ALK: variants seen among roughly 807,000 people sequenced by gnomAD.
The protein encoded by ALK is ALK receptor tyrosine kinase, also known as ALK tyrosine kinase receptor.
In ALK, 74 loss-of-function variants were observed where a neutral mutation model predicts 163.1. The observed-to-expected ratio is 0.45, with a 90% confidence interval of 0.38 to 0.55. The LOEUF is 0.55. Ranked by LOEUF, ALK falls within the 20% of genes least tolerant of loss-of-function variation. ALK has a pLI of 0.00. For missense variants in ALK, 2,063 were observed against 2,105.3 expected (o/e 0.98, Z 0.39); for synonymous variants, 960 against 843.2 (o/e 1.14, Z -2.40).
chr2:29,531,742 A>G (rs943456332), intron 4 of ALK, among the ~76,000 whole-genome samples, 173 bp downstream of exon 4: 3 of 152,146 alleles, frequency 2.0e-5, no homozygotes, highest in Non-Finnish European at 2.9e-5. Context: ...GGGACCCACA[A>G]ATCAGTACCC....
Position 29,193,518 on chromosome 2 carries a change from T to C in ALK, c.4569A>G (p.Ala1523=), listed in dbSNP as rs2148137891. Residue 1523 remains alanine, a synonymous_variant, in exon 29 of 29, where the codon GCA becomes GCG. Transcript: ENST00000389048. ...TACCCCTGTCGTGTGGCTCCTTCTT[T>C]GCTATAGGATTATTCTTTTTGGTGG... ...EKPTKKNNPI[A]KKEPHDRGNL... is the part of the protein sequence containing the mutation. 1 of 1,614,170 alleles carries C rather than the reference T, an allele frequency of 6.2e-7. No individual in the cohort carries two copies. The highest frequency in any genetic ancestry group is 8.5e-7 in the Non-Finnish European group (1 of 1,180,038).
At chr2:29,505,543 G>C (rs890893082) in intron 4 of ALK, among the ~76,000 whole-genome samples, 1 of 152,066 alleles carries the variant, frequency 6.6e-6, no homozygotes, top group African/African-American at 2.4e-5. Context: ...TTCTACGTTA[G>C]GCCAGGCACT....
At chr2:29,919,661 G>C (rs1667931790) in intron 1 of ALK, among the ~76,000 whole-genome samples, 1 of 152,164 alleles carries the variant, frequency 6.6e-6, no homozygotes, top group Non-Finnish European at 1.5e-5. Context: ...GGAAGTAATC[G>C]GGGCATTTCA....
chr2:29,527,448 C>G (rs1320573476), intron 4 of ALK, among the ~76,000 whole-genome samples: 1 of 152,058 alleles, frequency 6.6e-6, no homozygotes. Context: ...GGGAAACAGA[C>G]CTTTCCAGGG....
At chr2:29,899,505 A>G (rs768847564) in intron 1 of ALK, 1 of 152,196 alleles carries the variant, frequency 6.6e-6, no homozygotes, top group Non-Finnish European at 1.5e-5. Context: ...CTGGAGTCAC[A>G]TGTGCTCTCA....
At chr2:29,530,957 C>T (rs1673104052) in intron 4 of ALK, among the ~76,000 whole-genome samples, 1 of 152,168 alleles carries the variant, frequency 6.6e-6, no homozygotes, top group Non-Finnish European at 1.5e-5. Context: ...GGGTTAATGG[C>T]TGGGAGTGGG....
At chr2:29,724,851 A>C (rs762591400) in intron 1 of ALK, among the ~76,000 whole-genome samples, 4 of 152,152 alleles carry the variant, frequency 2.6e-5, no homozygotes, top group Non-Finnish European at 5.9e-5. Flanking sequence ...CCTTTCTCTA[A>C]GCCCCATCCC....
chr2:29,815,605 G>A (rs1400203938), intron 1 of ALK, among the ~76,000 whole-genome samples: 1 of 152,200 alleles, frequency 6.6e-6, no homozygotes, highest in Non-Finnish European at 1.5e-5. Context: ...AGGAGGCCAT[G>A]CAGGGTTGCC....
At chr2:29,498,245 C>T (rs998003416) in intron 4 of ALK, among the ~76,000 whole-genome samples, 2 of 151,390 alleles carry the variant, frequency 1.3e-5, no homozygotes, top group African/African-American at 4.8e-5. Flanking sequence ...AAGGGAGGCA[C>T]AGTGACTGGG....
chr2:29,731,073 T>C (rs914801356), intron 1 of ALK, among the ~76,000 whole-genome samples: 1 of 152,180 alleles, frequency 6.6e-6, no homozygotes, highest in Admixed American at 6.5e-5. Context: ...TGAAGGTTGA[T>C]CTGAGAGCGC....
chr2:29,500,267 C>T (rs868396335), intron 4 of ALK, among the ~76,000 whole-genome samples: 1 of 152,164 alleles, frequency 6.6e-6, no homozygotes. Context: ...CGGTACTGTT[C>T]TTGTGATAGT....
intron 4 of ALK, among the ~76,000 whole-genome samples, chr2:29,432,710 C>T (rs1203930647): frequency 2.0e-5 from 3 of 151,956 alleles, no homozygotes; most frequent in Non-Finnish European, 4.4e-5. Flanking sequence ...ATGGATAACC[C>T]AATGGTAAAC....
intron 3 of ALK, among the ~76,000 whole-genome samples, chr2:29,576,516 AGCTCGGTTCTCTGCCTG>A (rs1467855410): frequency 6.6e-6 from 1 of 152,174 alleles, no homozygotes; most frequent in East Asian, 1.9e-4. Context: ...CTCCCTGTTC[AGCTCGGTTCTCTGCCTG>A]ATGACTGCTC....
chr2:29,396,655 A>T (rs1039012904), intron 4 of ALK, among the ~76,000 whole-genome samples: 1 of 152,054 alleles, frequency 6.6e-6, no homozygotes, highest in Non-Finnish European at 1.5e-5. Flanking sequence ...AGCCTAGATG[A>T]CAGAGCGAGA....
At chr2:29,252,231 C>T (rs1040749405) in intron 11 of ALK, among the ~76,000 whole-genome samples, 1 of 147,434 alleles carries the variant, frequency 6.8e-6, no homozygotes, top group Non-Finnish European at 1.5e-5. Context: ...CAGACCAAAC[C>T]TTGGGGAGTT....
chr2:29,451,085 A>G (rs1670808849), intron 4 of ALK, among the ~76,000 whole-genome samples: 1 of 152,196 alleles, frequency 6.6e-6, no homozygotes, highest in Non-Finnish European at 1.5e-5. Context: ...TTTGCTTGCT[A>G]TAAAGAGTAA....
intron 3 of ALK, among the ~76,000 whole-genome samples, chr2:29,653,265 C>T (rs1182022065): frequency 1.3e-5 from 2 of 152,156 alleles, no homozygotes; most frequent in African/African-American, 4.8e-5. Context: ...TTTTTTTCCA[C>T]CCTCACCTGG....
chr2:29,694,284 C>A (rs4041386), intron 3 of ALK, among the ~76,000 whole-genome samples: 100,154 of 152,092 alleles, frequency 0.66, 35,344 homozygotes, highest in Non-Finnish European at 0.78. Context: ...AAGCATCACA[C>A]CAAGCAAATG....
intron 1 of ALK, among the ~76,000 whole-genome samples, chr2:29,912,124 G>A (rs970087309): frequency 6.6e-6 from 1 of 152,102 alleles, no homozygotes; most frequent in Non-Finnish European, 1.5e-5. Context: ...CAAGAGCATG[G>A]GAGATCTAAC....
Sources: gnomAD v4.1 joint callset for allele counts (sites outside exome capture counted in the v4.1 genomes callset) on GRCh38, gnomAD v4.1.1 for gene constraint, MANE v1.5 for transcripts, NCBI Gene and HGNC (gene_info 2026-07-23, HGNC 2026-07-21) for gene names.